CLCN1: variants seen among roughly 807,000 people sequenced by gnomAD.
The protein encoded by CLCN1 is chloride voltage-gated channel 1.
Under a neutral mutation model 114.5 loss-of-function variants are expected in CLCN1, and 100 were observed. That is an observed-to-expected ratio of 0.87 (90% CI 0.74 to 1.03). CLCN1 has a LOEUF of 1.03. CLCN1 is among the 50% of genes least tolerant of loss of function. The probability of loss-of-function intolerance (pLI) is 0.00; values close to 1 mark genes in which losing one functional copy is unlikely to be tolerated. For missense variants in CLCN1, 1,188 were observed against 1,250.0 expected, an observed-to-expected ratio of 0.95 and a Z score of 0.75; for synonymous variants, 485 against 487.1, an observed-to-expected ratio of 1.00 and a Z score of 0.06.
rs1289937572 is a variant in CLCN1 at position 143,351,969 on chromosome 7, C to G, written c.*4C>G. 1 of 1,612,390 alleles carries G rather than the reference C, an allele frequency of 6.2e-7. No individual in the cohort carries two copies. The highest frequency in any genetic ancestry group is 1.7e-5 in the Admixed American group (1 of 60,022). On this transcript the variant is annotated 3_prime_UTR_variant, in exon 23 of 23. Transcript: ENST00000343257. Reference sequence around the variant, plus strand: ...TGAGGATGAACTGATCCTTTGACCCCCTCCCACGACCTCCTCATAAAGACC... The same window carrying G: ...TGAGGATGAACTGATCCTTTGACCCGCTCCCACGACCTCCTCATAAAGACC...
chr7:143,337,866 G>A (rs1270630869), intron 12 of CLCN1, among the ~76,000 whole-genome samples: 5 of 115,784 alleles, frequency 4.3e-5, no homozygotes, highest in Admixed American at 1.2e-4. Flanking sequence ...TCGCTCTGTC[G>A]CCCAGGCTGG....
rs1440955996 is a variant in CLCN1 at position 143,324,635 on chromosome 7, G to A, written c.853+143G>A. On this transcript the variant is annotated intron_variant, in intron 7 of 22. Transcript: ENST00000343257. This position sits in a 1 kb window ranked among gnomAD's most constrained non-coding sequence, Gnocchi z 4.6. ...TTAGTAAGCCTTTGCTATGTGCCAG[G>A]CAATGTTTAAAGCACTTACTTTTAT... 1.4e-6 allele frequency: 1 copy of A among 726,424 alleles called. No individual in the cohort carries two copies. The highest frequency in any genetic ancestry group is 1.7e-5 in the African/African-American group (1 of 57,580). The allele number at this position is 726,424 out of a possible 1,614,324, so 45.0% of individuals were successfully genotyped here.
Position 143,350,516 on chromosome 7 carries a change from A to G in CLCN1, c.2508+40A>G. 1 of 1,610,264 alleles carries G rather than the reference A, an allele frequency of 6.2e-7. No individual in the cohort carries two copies. The highest frequency in any genetic ancestry group is 8.5e-7 in the Non-Finnish European group (1 of 1,176,470). ...GACTGCTCAGGGCTGTGGGGAAGGC[A>G]GGAGAGCTGTGGGGCAAGGAACATG... On this transcript the variant is annotated intron_variant, in intron 21 of 22. Transcript: ENST00000343257. The surrounding 1 kb of genome is among the most constrained non-coding windows in gnomAD (Gnocchi z 5.1).
At chr7:143,343,344 A>C (rs1803139476) in intron 16 of CLCN1, among the ~76,000 whole-genome samples, 1 of 152,246 alleles carries the variant, frequency 6.6e-6, no homozygotes, top group African/African-American at 2.4e-5. Context: ...ACAAAAATGC[A>C]AAAAGGATGG....
chr7:143,341,027 G>A (rs962688630), intron 14 of CLCN1, among the ~76,000 whole-genome samples: 4 of 152,102 alleles, frequency 2.6e-5, no homozygotes, highest in Admixed American at 2.6e-4. Flanking sequence ...ATCTACAAGC[G>A]CCTTAGAAAT....
Position 143,350,508 on chromosome 7 carries a change from G to A in CLCN1, c.2508+32G>A, listed in dbSNP as rs1803364387. 1.2e-6 allele frequency: 2 copies of A among 1,610,154 alleles called. No individual in the cohort carries two copies. The highest frequency in any genetic ancestry group is 1.1e-5 in the South Asian group (1 of 90,990). On this transcript the variant is annotated intron_variant, in intron 21 of 22. Coordinates refer to ENST00000343257, the MANE Select transcript of CLCN1 (RefSeq NM_000083.3). The surrounding 1 kb of genome is among the most constrained non-coding windows in gnomAD (Gnocchi z 5.1). Reference sequence around the variant, plus strand: ...CTTTTGCTGACTGCTCAGGGCTGTGGGGAAGGCAGGAGAGCTGTGGGGCAA... The same window carrying A: ...CTTTTGCTGACTGCTCAGGGCTGTGAGGAAGGCAGGAGAGCTGTGGGGCAA...
Position 143,342,111 on chromosome 7 carries a change from T to G in CLCN1, c.1765T>G (p.Tyr589Asp). Reference protein sequence around the residue: ...DSIIQVKKLPYLPDLGWNQLS... With the variant: ...DSIIQVKKLPDLPDLGWNQLS... Reference sequence around the variant, plus strand: ...CATCATCCAGGTCAAGAAGCTACCCTACTTGCCTGACCTTGGCTGGAACCA... The same window carrying G: ...CATCATCCAGGTCAAGAAGCTACCCGACTTGCCTGACCTTGGCTGGAACCA... Residue 589 changes from tyrosine (Y) to aspartate (D), a missense_variant, in exon 15 of 23, where the codon TAC becomes GAC. By Grantham distance (160) the Tyr-to-Asp change is radical (BLOSUM62 -3). Transcript: ENST00000343257. 6.2e-7 allele frequency: 1 copy of G among 1,614,162 alleles called. No individual in the cohort carries two copies. The highest frequency in any genetic ancestry group is 2.2e-5 in the East Asian group (1 of 44,882).
At chr7:143,323,419 A>G (rs1326336873) in intron 6 of CLCN1, 33 bp downstream of exon 6, 2 of 1,439,818 alleles carry the variant, frequency 1.4e-6, no homozygotes, top group Admixed American at 1.7e-5. Context: ...AGCTGGGGCC[A>G]GGTGGTAGAA....
intron 22 of CLCN1, among the ~76,000 whole-genome samples, chr7:143,351,331 G>A (rs953380904): frequency 2.0e-5 from 3 of 152,184 alleles, no homozygotes; most frequent in African/African-American, 7.2e-5. Flanking sequence ...GCTGCAGGTG[G>A]TCACTAGGAA....
At chr7:143,336,017 C>T (rs114198020) in intron 12 of CLCN1, among the ~76,000 whole-genome samples, 374 of 152,128 alleles carry the variant, frequency 2.5e-3, no homozygotes, top group African/African-American at 8.6e-3. Flanking sequence ...AATCTCATGA[C>T]GTGGAAAGTG....
chr7:143,346,794 A>C, intron 19 of CLCN1, 117 bp from the exon 20 acceptor site: 1 of 1,202,122 alleles, frequency 8.3e-7, no homozygotes, highest in Middle Eastern at 1.9e-4. Flanking sequence ...GGGATGATGA[A>C]TGAAAAGGAG....
intron 12 of CLCN1, among the ~76,000 whole-genome samples, chr7:143,333,484 A>G (rs1038631176): frequency 2.0e-5 from 3 of 152,200 alleles, no homozygotes; most frequent in Non-Finnish European, 4.4e-5. Flanking sequence ...AGATAGAGTT[A>G]AGCATTATAA....
chr7:143,345,431 C>A, intron 16 of CLCN1, 90 bp from the exon 17 acceptor site: 2 of 1,419,872 alleles, frequency 1.4e-6, no homozygotes, highest in Non-Finnish European at 9.3e-7. Flanking sequence ...GGCAGGGTGG[C>A]GCCTCTCCTG....
intron 18 of CLCN1, 57 bp downstream of exon 18, chr7:143,346,308 T>C: frequency 8.2e-7 from 1 of 1,226,586 alleles, no homozygotes; most frequent in Non-Finnish European, 1.2e-6. Context: ...CTCTGGTCAC[T>C]AGGACCTGAC....
At chr7:143,338,533 C>G (rs1802976771) in intron 12 of CLCN1, among the ~76,000 whole-genome samples, 1 of 152,130 alleles carries the variant, frequency 6.6e-6, no homozygotes, top group African/African-American at 2.4e-5. Context: ...CACCTGTAAT[C>G]CCGGCACTTT....
At position 143,351,451 on chromosome 7, in the gene CLCN1, T is replaced by C. The variant is rs572182953; in HGVS notation, c.2596-143T>C. 6.0e-6 allele frequency: 5 copies of C among 837,444 alleles called. No homozygotes were observed. In the South Asian group the frequency reaches 8.3e-5, roughly 14 times the overall value. The allele number at this position is 837,444 out of a possible 1,614,324, so 51.9% of individuals were successfully genotyped here. A position where few individuals can be genotyped will look rare whatever the true frequency, so the allele number is the denominator to read the frequency against. ...CTGATTGTTCCTTGTTTTCTGTTTC[T>C]CTTTCTCCCCGTTTTGCCACTCTAT... On this transcript the variant is annotated intron_variant, in intron 22 of 22. Coordinates refer to ENST00000343257, the MANE Select transcript of CLCN1 (RefSeq NM_000083.3).
chr7:143,339,633 TC>T lies in CLCN1; in HGVS notation c.1582+15del. On this transcript the variant is annotated intron_variant, in intron 14 of 22. Transcript: ENST00000343257. The surrounding 1 kb of genome is among the most constrained non-coding windows in gnomAD (Gnocchi z 4.1). ...CTATGCAGTAATTGGTGAGAAACATTCCCACTTCCCTGTAATCAAACATTGA... is the reference window on the plus strand; with the variant it reads ...CTATGCAGTAATTGGTGAGAAACATTCCACTTCCCTGTAATCAAACATTGA... 1.4e-6 allele frequency: 2 copies of T among 1,478,746 alleles called. No individual in the cohort carries two copies. The highest frequency in any genetic ancestry group is 1.9e-6 in the Non-Finnish European group (2 of 1,056,520). 91.6% of individuals were successfully genotyped at this position (1,478,746 alleles called of 1,614,324 possible).
rs1803355121 is a variant in CLCN1 at position 143,350,213 on chromosome 7, A to G, written c.2404-159A>G. ...GGGCAGAGAGGCTCTGTCCCCTGGG[A>G]AGAAGGAGGAGGTCCTCTGATCTGG... On this transcript the variant is annotated intron_variant, in intron 20 of 22. Transcript: ENST00000343257. This position sits in a 1 kb window ranked among gnomAD's most constrained non-coding sequence, Gnocchi z 5.1. Among the ~76,000 whole-genome samples the G allele has an allele frequency of 6.6e-6, 1 of 152,080 alleles. No homozygotes were observed. Among genetic ancestry groups the G allele is most frequent in the South Asian group, 2.1e-4 (1 of 4,818 alleles).
chr7:143,345,825 TG>T, intron 17 of CLCN1, 63 bp downstream of exon 17: 1 of 1,441,672 alleles, frequency 6.9e-7, no homozygotes, highest in Non-Finnish European at 9.5e-7. Flanking sequence ...AAGCGTCGTC[TG>T]GGCTGGGCTG....
Sources: allele counts gnomAD v4.1 joint callset (sites outside exome capture counted in the v4.1 genomes callset), GRCh38; gene constraint gnomAD v4.1.1; non-coding constraint Gnocchi (gnomAD v3.1); transcripts MANE v1.5; gene names NCBI Gene and HGNC (gene_info 2026-07-23, HGNC 2026-07-21).